Variants in COMMD10 observed in about 807,000 individuals in gnomAD.
COMMD10 encodes the protein COMM domain containing 10.
COMMD10 carries 33 observed loss-of-function variants against 28.9 expected under a neutral mutation model. That is an observed-to-expected ratio of 1.14 (90% CI 0.87 to 1.53). The LOEUF (loss-of-function observed/expected upper bound fraction) is 1.53. COMMD10 is among the 40% of genes most tolerant of loss of function. The pLI is 0.00. For synonymous variants in COMMD10, 110 were observed against 81.7 expected (o/e 1.35, Z -1.87); for missense variants, 310 against 233.4 (o/e 1.33, Z -2.14).
chr5:116,209,643 C>T (rs1028230648), intron 5 of COMMD10, among the ~76,000 whole-genome samples: 3 of 152,076 alleles, frequency 2.0e-5, no homozygotes, highest in Non-Finnish European at 2.9e-5. Context: ...AAAAAGCCAA[C>T]GTATAAAATT....
intron 5 of COMMD10, among the ~76,000 whole-genome samples, chr5:116,167,473 C>T (rs1462963177): frequency 6.6e-6 from 1 of 152,060 alleles, no homozygotes; most frequent in Non-Finnish European, 1.5e-5. Context: ...GGACAACATT[C>T]AAATTCAGGA....
intron 5 of COMMD10, among the ~76,000 whole-genome samples, chr5:116,265,839 A>G (rs1163853956): frequency 6.6e-6 from 1 of 151,824 alleles, no homozygotes. Context: ...GTTCGACACC[A>G]GAGATGACAC....
intron 4 of COMMD10, among the ~76,000 whole-genome samples, chr5:116,098,214 T>C (rs1034332503): frequency 2.0e-5 from 3 of 152,192 alleles, no homozygotes; most frequent in Non-Finnish European, 4.4e-5. Flanking sequence ...CTGTTTAGGA[T>C]ACTGTGGCCA....
chr5:116,197,579 C>T (rs1363362778), intron 5 of COMMD10, among the ~76,000 whole-genome samples: 6 of 151,974 alleles, frequency 3.9e-5, no homozygotes. Context: ...GAGACAGGTT[C>T]TCACTATGTT....
intron 5 of COMMD10, among the ~76,000 whole-genome samples, chr5:116,213,288 G>A (rs1254767274): frequency 1.3e-5 from 2 of 152,104 alleles, no homozygotes; most frequent in East Asian, 3.8e-4. Flanking sequence ...AAACAGATGT[G>A]AATACTAGGC....
At chr5:116,284,768 A>T (rs1751173883) in intron 5 of COMMD10, among the ~76,000 whole-genome samples, 1 of 151,898 alleles carries the variant, frequency 6.6e-6, no homozygotes, top group Non-Finnish European at 1.5e-5. Context: ...CTTAACAAAG[A>T]TACTAATGAA....
At chr5:116,193,717 A>G (rs569667342) in intron 5 of COMMD10, among the ~76,000 whole-genome samples, 41 of 152,310 alleles carry the variant, frequency 2.7e-4, no homozygotes, top group African/African-American at 9.4e-4. Flanking sequence ...CAACATGATA[A>G]TAGTGGAGGA....
chr5:116,202,304 G>T (rs1193841667), intron 5 of COMMD10, among the ~76,000 whole-genome samples: 1 of 151,646 alleles, frequency 6.6e-6, no homozygotes, highest in Non-Finnish European at 1.5e-5. Flanking sequence ...ATTTGGGTTG[G>T]TTCCAAGTCT....
intron 5 of COMMD10, among the ~76,000 whole-genome samples, chr5:116,204,171 A>G (rs1163203920): frequency 6.6e-6 from 1 of 152,192 alleles, no homozygotes; most frequent in African/African-American, 2.4e-5. Flanking sequence ...AAAGGGATCA[A>G]TTCAACAAGA....
intron 5 of COMMD10, among the ~76,000 whole-genome samples, chr5:116,194,165 G>A (rs189509585): frequency 6.6e-6 from 1 of 152,172 alleles, no homozygotes; most frequent in East Asian, 1.9e-4. Context: ...ATACAGCAAA[G>A]GTAGTGCTAA....
intron 4 of COMMD10, among the ~76,000 whole-genome samples, chr5:116,117,235 T>C (rs1346389155): frequency 6.6e-6 from 1 of 152,218 alleles, no homozygotes; most frequent in East Asian, 1.9e-4. Context: ...CTATGAACAT[T>C]TGTGTTCAAG....
rs183340226 is a variant in COMMD10 at position 116,213,249 on chromosome 5, C to T, written c.511-78268C>T. Among the ~76,000 whole-genome samples, 397 of 152,104 alleles carry T rather than the reference C, an allele frequency of 2.6e-3. 1 individual carries two copies. The highest frequency in any genetic ancestry group is 8.9e-3 in the African/African-American group (370 of 41,484). ...AAAGCAATTCTTAATAATTTTTCCACTAATAGGAGTTGTAAAGATGCCAGA... is the reference window on the plus strand; with the variant it reads ...AAAGCAATTCTTAATAATTTTTCCATTAATAGGAGTTGTAAAGATGCCAGA... On this transcript the variant is annotated intron_variant, in intron 5 of 6. Coordinates refer to ENST00000274458, the MANE Select transcript of COMMD10 (RefSeq NM_016144.4).
At chr5:116,132,656 G>A (rs1324636275) in intron 4 of COMMD10, among the ~76,000 whole-genome samples, 2 of 151,984 alleles carry the variant, frequency 1.3e-5, no homozygotes, top group African/African-American at 4.8e-5. Flanking sequence ...CAATTAAGAC[G>A]GCATGTATGC....
At chr5:116,184,629 TGGA>T (rs1291072525) in intron 5 of COMMD10, among the ~76,000 whole-genome samples, 1 of 151,998 alleles carries the variant, frequency 6.6e-6, no homozygotes, top group African/African-American at 2.4e-5. Flanking sequence ...CCAGCAGCAG[TGGA>T]GTTGTTATTT....
chr5:116,230,502 C>CTAATAGA (rs1259400492), intron 5 of COMMD10, among the ~76,000 whole-genome samples: 56 of 151,882 alleles, frequency 3.7e-4, no homozygotes, highest in African/African-American at 1.3e-3. Context: ...TAATAAATAC[C>CTAATAGA]TGCTGAATTA....
intron 4 of COMMD10, among the ~76,000 whole-genome samples, chr5:116,131,559 TCTC>T (rs1431044153): frequency 2.0e-5 from 3 of 152,046 alleles, no homozygotes; most frequent in African/African-American, 7.2e-5. Flanking sequence ...TGTGAATACT[TCTC>T]CTTGAAAGTT....
chr5:116,212,775 T>TC lies in COMMD10; in HGVS notation c.510+78598dup, dbSNP rs981319459. The stretch of plus-strand genomic sequence containing the variant: ...AGTGGTATATAACTTAGTACAAACA[T>TC]CGAAGGCTATCAGAAAATGTATGTT... On this transcript the variant is annotated intron_variant, in intron 5 of 6. Transcript: ENST00000274458. 5.3e-5 allele frequency among the ~76,000 whole-genome samples: 8 copies of TC among 152,080 alleles called. No homozygotes were observed. In the East Asian group the frequency reaches 1.5e-3, roughly 29 times the overall value.
At chr5:116,195,835 G>A (rs1748502378) in intron 5 of COMMD10, among the ~76,000 whole-genome samples, 1 of 152,052 alleles carries the variant, frequency 6.6e-6, no homozygotes, top group Admixed American at 6.5e-5. Context: ...ATGAAAAAAT[G>A]CTCAGCATCA....
chr5:116,251,365 A>G (rs1348212931), intron 5 of COMMD10, among the ~76,000 whole-genome samples: 1 of 148,374 alleles, frequency 6.7e-6, no homozygotes, highest in Non-Finnish European at 1.5e-5. Context: ...ATACGTATAC[A>G]TGTGCCATGC....
Sources: allele counts gnomAD v4.1 joint callset (sites outside exome capture counted in the v4.1 genomes callset), GRCh38; gene constraint gnomAD v4.1.1; transcripts MANE v1.5; gene names NCBI Gene and HGNC (gene_info 2026-07-23, HGNC 2026-07-21).